Variants in IPO13 observed in about 807,000 individuals in gnomAD.
IPO13 encodes importin 13.
A neutral mutation model predicts 115.5 loss-of-function variants in IPO13; 28 were observed. The observed-to-expected ratio is 0.24, with a 90% CI of 0.18 to 0.33. The LOEUF (loss-of-function observed/expected upper bound fraction) is 0.33. Ranked by LOEUF, IPO13 falls within the 10% of genes least tolerant of loss-of-function variation. The probability of loss-of-function intolerance (pLI) is 1.00; values close to 1 mark genes in which losing one functional copy is unlikely to be tolerated. For synonymous variants in IPO13, 414 were observed against 478.9 expected (o/e 0.86, Z 1.77); for missense variants, 785 against 1,204.6 (o/e 0.65, Z 5.16).
rs549866485 is a variant in IPO13 at position 43,952,113 on chromosome 1, T to A, written c.821+1960T>A. On this transcript the variant is annotated intron_variant, in intron 2 of 19. Transcript: ENST00000372343. The surrounding 1 kb of genome is among the most constrained non-coding windows in gnomAD (Gnocchi z 4.7). ...TATTGATACGTTACATGTTTTAAAA[T>A]GGGAACTGTGTGTATATGTTCTACC... Among the ~76,000 whole-genome samples the A allele has an allele frequency of 6.6e-6, 1 of 152,312 alleles. No homozygotes were observed. The highest frequency in any genetic ancestry group is 2.1e-4 in the South Asian group (1 of 4,820).
Position 43,957,546 on chromosome 1 carries a change from A to G in IPO13, c.1537A>G (p.Ile513Val). 1 of 1,614,174 alleles carries G rather than the reference A, an allele frequency of 6.2e-7. No homozygotes were observed. The highest frequency in any genetic ancestry group is 8.5e-7 in the Non-Finnish European group (1 of 1,180,016). The change falls in exon 7 of 20, where the codon ATT (isoleucine) becomes GTT (valine). Residue 513 changes from isoleucine (I) to valine (V), a missense_variant. By Grantham distance (29) the Ile-to-Val change is conservative. Around this residue, in one of 3 missense-constraint regions of IPO13, gnomAD observed 175 missense variants for 360.0 expected, o/e 0.49. Transcript: ENST00000372343. ...VQLADTVMFT[I>V]GALSEWLADH... is the part of the protein sequence containing the mutation. ...GCTGGCAGACACTGTCATGTTCACC[A>G]TTGGTGAGACCTGGCACACACCCAT...
In IPO13 at chr1:43,964,289, ATTG is replaced by A; in HGVS notation, c.2369_2371del (p.Val790del). On this transcript the variant is annotated inframe_deletion, in exon 15 of 20. Transcript: ENST00000372343. ...TTTAGGGCCCAGGGATCATCCTGAT[ATTG>A]TTGATTCATTTATGCAACTCCTGGC... 1 of 1,610,448 alleles carries A rather than the reference ATTG, an allele frequency of 6.2e-7. No homozygotes were observed. Among genetic ancestry groups the A allele is most frequent in the Non-Finnish European group, 8.5e-7 (1 of 1,177,070 alleles).
chr1:43,955,807 C>G lies in IPO13; in HGVS notation c.822-513C>G, dbSNP rs540017800. Among the ~76,000 whole-genome samples the G allele has an allele frequency of 2.6e-5, 4 of 152,022 alleles. No individual in the cohort carries two copies. In the East Asian group the frequency reaches 7.7e-4, roughly 29 times the overall value. On this transcript the variant is annotated intron_variant, in intron 2 of 19. Coordinates refer to ENST00000372343, the MANE Select transcript of IPO13 (RefSeq NM_014652.4). Reference sequence around the variant, plus strand: ...CTTAATTTGACCCATGACAGTCTGCCCTCTGGTGCCCCAAACTTCATGTTA... The same window carrying G: ...CTTAATTTGACCCATGACAGTCTGCGCTCTGGTGCCCCAAACTTCATGTTA...
chr1:43,950,274 C>T (rs569769421), intron 2 of IPO13, 121 bp downstream of exon 2: 11 of 1,170,134 alleles, frequency 9.4e-6, no homozygotes, highest in South Asian at 8.0e-5. Context: ...GCTGGAGATA[C>T]AGCAAGGAAC....
chr1:43,967,160 A>T lies in IPO13; in HGVS notation c.2613+141A>T. The T allele has an allele frequency of 1.8e-6, 2 of 1,098,308 alleles. No individual in the cohort carries two copies. Among genetic ancestry groups the T allele is most frequent in the Non-Finnish European group, 2.7e-6 (2 of 733,110 alleles). 68.0% of individuals were successfully genotyped at this position (1,098,308 alleles called of 1,614,324 possible). A position where few individuals can be genotyped will look rare whatever the true frequency, so the allele number is the denominator to read the frequency against. ...TTCAATTAAATGCCTGAAAGTTGTTAGGATTGCTGTGGGGATCAGCTGGCT... is the reference window on the plus strand; with the variant it reads ...TTCAATTAAATGCCTGAAAGTTGTTTGGATTGCTGTGGGGATCAGCTGGCT... On this transcript the variant is annotated intron_variant, in intron 18 of 19. Coordinates refer to ENST00000372343, the MANE Select transcript of IPO13 (RefSeq NM_014652.4). This position sits in a 1 kb window ranked among gnomAD's most constrained non-coding sequence, Gnocchi z 6.1.
Position 43,949,987 on chromosome 1 carries a change from C to T in IPO13, c.655C>T (p.Arg219Cys), listed in dbSNP as rs149599195. 1,827 of 1,612,166 alleles carry T rather than the reference C, an allele frequency of 1.1e-3. 6 individuals are homozygous for T. Among genetic ancestry groups the T allele is most frequent in the Non-Finnish European group, 1.5e-3 (1,714 of 1,179,600 alleles). Residue 219 changes from arginine to cysteine, a missense_variant, in exon 2 of 20, where the codon CGT becomes TGT. Around this residue, in one of 3 missense-constraint regions of IPO13, gnomAD observed 325 missense variants for 449.8 expected, o/e 0.72. Coordinates refer to ENST00000372343, the MANE Select transcript of IPO13 (RefSeq NM_014652.4). ...GCAGCCCAGCTCACCCAGCTGTGTGCGTCAGAAGGTGCTCAAGTGTTTCTC... is the reference window on the plus strand; with the variant it reads ...GCAGCCCAGCTCACCCAGCTGTGTGTGTCAGAAGGTGCTCAAGTGTTTCTC... Reference protein sequence around the residue: ...LQQPSSPSCVRQKVLKCFSSW... With the variant: ...LQQPSSPSCVCQKVLKCFSSW...
chr1:43,960,647 G>A (rs911235439), intron 12 of IPO13, among the ~76,000 whole-genome samples: 1 of 152,224 alleles, frequency 6.6e-6, no homozygotes, highest in Admixed American at 6.5e-5. Context: ...TGTTAGAGAT[G>A]TAAGTCGCAG....
In IPO13 at chr1:43,949,726, C is replaced by T. The variant is rs138977771; in HGVS notation, c.394C>T (p.Leu132Phe). ...RLCVALASLA[L>F]SMMPDAWPCA... ...GTGCGTGGCACTGGCCTCACTGGCTCTCAGCATGATGCCTGACGCTTGGCC... is the reference window on the plus strand; with the variant it reads ...GTGCGTGGCACTGGCCTCACTGGCTTTCAGCATGATGCCTGACGCTTGGCC... Residue 132 changes from leucine (L) to phenylalanine (F), a missense_variant, in exon 2 of 20, where the codon CTC becomes TTC. Coordinates refer to ENST00000372343, the MANE Select transcript of IPO13 (RefSeq NM_014652.4). 3.0e-5 allele frequency: 49 copies of T among 1,614,078 alleles called. No homozygotes were observed. In the African/African-American group the frequency reaches 6.1e-4, roughly 20 times the overall value.
Position 43,949,914 on chromosome 1 carries a change from G to A in IPO13, c.582G>A (p.Leu194=), listed in dbSNP as rs148762679. The change falls in exon 2 of 20, where the codon CTG becomes CTA. Residue 194 remains leucine, a synonymous_variant. Coordinates refer to ENST00000372343, the MANE Select transcript of IPO13 (RefSeq NM_014652.4). The part of the protein sequence containing the change: ...QYRKGLVRTS[L]AVECGAVFPL... ...GCAAAGGCCTGGTGCGGACCAGCCT[G>A]GCGGTGGAATGTGGGGCTGTCTTCC... The A allele has an allele frequency of 0.016, 26,293 of 1,610,346 alleles. 279 individuals are homozygous for A. The highest frequency in any genetic ancestry group is 0.02 in the Non-Finnish European group (23,565 of 1,179,692).
rs2154301974 is a variant in IPO13 at position 43,947,142 on chromosome 1, C to G, written c.-459C>G. On this transcript the variant is annotated 5_prime_UTR_variant, in exon 1 of 20. Transcript: ENST00000372343. ...CGCCTCCGTAACCACGAAGGGCTCT[C>G]TCTCTCCCGTGACCCTCCAGCCCCA... is the stretch of plus-strand genomic sequence containing the variant. The G allele has an allele frequency of 2.5e-6, 1 of 398,952 alleles. No homozygotes were observed. The highest frequency in any genetic ancestry group is 1.3e-4 in the South Asian group (1 of 7,878). The allele number at this position is 398,952 out of a possible 1,614,324, so 24.7% of individuals were successfully genotyped here. A position where few individuals can be genotyped will look rare whatever the true frequency, so the allele number is the denominator to read the frequency against.
At position 43,952,825 on chromosome 1, in the gene IPO13, G is replaced by A. The variant is rs1421545650; in HGVS notation, c.821+2672G>A. ...CATGGTTCCTATATACTCTGTAAAC[G>A]GCAGTTGCCAGTATTTGGTTTCATT... On this transcript the variant is annotated intron_variant, in intron 2 of 19. Coordinates refer to ENST00000372343, the MANE Select transcript of IPO13 (RefSeq NM_014652.4). The surrounding 1 kb of genome is among the most constrained non-coding windows in gnomAD (Gnocchi z 4.7). Among the ~76,000 whole-genome samples, 1 of 152,156 alleles carries A rather than the reference G, an allele frequency of 6.6e-6. No homozygotes were observed. Among genetic ancestry groups the A allele is most frequent in the Non-Finnish European group, 1.5e-5 (1 of 68,030 alleles).
rs2085323924 is a variant in IPO13 at position 43,966,279 on chromosome 1, G to C, written c.2398-296G>C. 2 of 516,608 alleles carry C rather than the reference G, an allele frequency of 3.9e-6. No homozygotes were observed. The highest frequency in any genetic ancestry group is 7.0e-6 in the Non-Finnish European group (2 of 283,796). 32.0% of individuals were successfully genotyped at this position (516,608 alleles called of 1,614,324 possible). A position where few individuals can be genotyped will look rare whatever the true frequency, so the allele number is the denominator to read the frequency against. ...CTGCGAGACATCTGGCCCTGATGGA[G>C]GGGGAGGGAAAGGTGTCTGGAACCC... On this transcript the variant is annotated intron_variant, in intron 15 of 19. Transcript: ENST00000372343. This position sits in a 1 kb window ranked among gnomAD's most constrained non-coding sequence, Gnocchi z 4.1.
rs141078025 is a variant in IPO13, at chr1:43,967,198, C to T, written c.2614-117C>T. ...GGATCAGCTGGCTCTCAAAAAGCAG[C>T]GCTCACTGTGATGTGCAGTTTGGCT... is the stretch of plus-strand genomic sequence containing the variant. On this transcript the variant is annotated intron_variant, in intron 18 of 19. Transcript: ENST00000372343. This position sits in a 1 kb window ranked among gnomAD's most constrained non-coding sequence, Gnocchi z 6.1. The T allele has an allele frequency of 1.2e-4, 143 of 1,196,836 alleles. No individual in the cohort carries two copies. Among genetic ancestry groups the T allele is most frequent in the Non-Finnish European group, 1.6e-4 (129 of 822,840 alleles). 74.1% of individuals were successfully genotyped at this position (1,196,836 alleles called of 1,614,324 possible).
chr1:43,962,639 A>C (rs2085297604), intron 14 of IPO13, among the ~76,000 whole-genome samples: 1 of 152,080 alleles, frequency 6.6e-6, no homozygotes, highest in Non-Finnish European at 1.5e-5. Context: ...TGCTCCTCTG[A>C]CTGGAATGTC....
chr1:43,966,468 A>G lies in IPO13; in HGVS notation c.2398-107A>G. The G allele has an allele frequency of 8.5e-7, 1 of 1,181,578 alleles. No individual in the cohort carries two copies. The highest frequency in any genetic ancestry group is 1.2e-6 in the Non-Finnish European group (1 of 802,754). The allele number at this position is 1,181,578 out of a possible 1,614,324, so 73.2% of individuals were successfully genotyped here. On this transcript the variant is annotated intron_variant, in intron 15 of 19. Transcript: ENST00000372343. The surrounding 1 kb of genome is among the most constrained non-coding windows in gnomAD (Gnocchi z 4.1). ...AGATGGCTGGGTAGCTGGTTTTGGC[A>G]GCCTCTACCTGTGAGGTGTGAAGTT...
In IPO13 at chr1:43,956,702, G is replaced by C; in HGVS notation, c.1104+1G>C. On this transcript the variant is annotated splice_donor_variant, in intron 4 of 19. Coordinates refer to ENST00000372343, the MANE Select transcript of IPO13 (RefSeq NM_014652.4). LOFTEE classifies it high-confidence loss of function. The surrounding 1 kb of genome is among the most constrained non-coding windows in gnomAD (Gnocchi z 4.7). The stretch of plus-strand genomic sequence containing the variant: ...CCTCACCTTCTGGTACACACTGCAG[G>C]TGTGTCTGTGTGACCTCCAGTAGGA... The C allele has an allele frequency of 6.2e-7, 1 of 1,614,242 alleles. No individual in the cohort carries two copies. Among genetic ancestry groups the C allele is most frequent in the Non-Finnish European group, 8.5e-7 (1 of 1,180,046 alleles).
intron 7 of IPO13, 113 bp downstream of exon 7, chr1:43,957,662 A>T: frequency 7.7e-7 from 1 of 1,304,136 alleles, no homozygotes. Flanking sequence ...GCCTACACAC[A>T]ATCAGTGTTG....
chr1:43,967,338 C>T lies in IPO13; in HGVS notation c.2637C>T (p.Arg879=). The T allele has an allele frequency of 6.2e-7, 1 of 1,613,668 alleles. No homozygotes were observed. The highest frequency in any genetic ancestry group is 8.5e-7 in the Non-Finnish European group (1 of 1,179,682). The change falls in exon 19 of 20, where the codon CGC becomes CGT. Residue 879 remains arginine, a synonymous_variant. Transcript: ENST00000372343. The surrounding 1 kb of genome is among the most constrained non-coding windows in gnomAD (Gnocchi z 6.1). ...VLEAIGGQAS[R]SLMDCFADIL... The stretch of plus-strand genomic sequence containing the variant: ...AGGCCATTGGGGGCCAGGCCTCCCG[C>T]AGCCTCATGGACTGCTTTGCCGATA...
At chr1:43,951,722 T>A (rs2085210495) in intron 2 of IPO13, among the ~76,000 whole-genome samples, 1 of 152,182 alleles carries the variant, frequency 6.6e-6, no homozygotes, top group Non-Finnish European at 1.5e-5. Context: ...GATGCTGACA[T>A]TTCAGAGATG....
Sources: allele counts gnomAD v4.1 joint callset (sites outside exome capture counted in the v4.1 genomes callset), GRCh38; gene constraint gnomAD v4.1.1; regional missense constraint gnomAD v4.1.1; non-coding constraint Gnocchi (gnomAD v3.1); transcripts MANE v1.5; gene names NCBI Gene and HGNC (gene_info 2026-07-23, HGNC 2026-07-21).